The following CTR9 variants were observed in gnomAD, a reference collection of about 807,000 sequenced individuals.
The protein encoded by CTR9 is CTR9 component of Paf1/RNA polymerase II complex.
In CTR9, 41 loss-of-function variants were observed where a neutral mutation model predicts 152.1. That is an observed-to-expected ratio of 0.27 (90% CI 0.21 to 0.35). The LOEUF (loss-of-function observed/expected upper bound fraction) is 0.35, where lower values mean the gene tolerates loss of function less well. Among genes scored for constraint, CTR9 ranks in the 10% least tolerant of loss-of-function variants. The pLI is 1.00. For synonymous variants in CTR9, 476 were observed against 496.2 expected, an observed-to-expected ratio of 0.96 and a Z score of 0.54; for missense variants, 917 against 1,424.4, an observed-to-expected ratio of 0.64 and a Z score of 5.73.
chr11:10,751,462 G>T lies in CTR9; in HGVS notation c.45+5G>T, dbSNP rs758205417. ...CCCCTCCGGGACACTGACGAGGTAA[G>T]TGTCGTGTATGGAGGCGGGTGGGGG... is the stretch of plus-strand genomic sequence containing the variant. On this transcript the variant is annotated splice_donor_5th_base_variant and intron_variant, in intron 1 of 24. Transcript: ENST00000361367. 6.8e-5 allele frequency: 109 copies of T among 1,613,882 alleles called. No individual in the cohort carries two copies. Among genetic ancestry groups the T allele is most frequent in the Non-Finnish European group, 8.9e-5 (105 of 1,179,996 alleles).
Position 10,764,450 on chromosome 11 carries a change from A to G in CTR9, c.1413+14A>G. ...GGGGAGGCTAAGGTAGGAAAATAGA[A>G]ATATTTCCTTCTTTTATACTGAATC... On this transcript the variant is annotated intron_variant, in intron 11 of 24. Coordinates refer to ENST00000361367, the MANE Select transcript of CTR9 (RefSeq NM_014633.5). 1 of 1,600,990 alleles carries G rather than the reference A, an allele frequency of 6.2e-7. No homozygotes were observed. Among genetic ancestry groups the G allele is most frequent in the South Asian group, 1.1e-5 (1 of 89,778 alleles).
In CTR9 at chr11:10,771,525, T is replaced by C. The variant is rs1863143061; in HGVS notation, c.2373-20T>C. The C allele has an allele frequency of 6.7e-7, 1 of 1,496,084 alleles. No homozygotes were observed. The highest frequency in any genetic ancestry group is 9.3e-7 in the Non-Finnish European group (1 of 1,074,756). The allele number at this position is 1,496,084 out of a possible 1,614,324, so 92.7% of individuals were successfully genotyped here. Reference sequence around the variant, plus strand: ...AGAATCTCTTTTTTTAAAAGTGAAGTATTTTCTCGTTTCATTTAGATACTT... The same window carrying C: ...AGAATCTCTTTTTTTAAAAGTGAAGCATTTTCTCGTTTCATTTAGATACTT... On this transcript the variant is annotated intron_variant, in intron 18 of 24. Coordinates refer to ENST00000361367, the MANE Select transcript of CTR9 (RefSeq NM_014633.5).
rs373153408 is a variant in CTR9, at chr11:10,756,666, T to G, written c.503-83T>G. On this transcript the variant is annotated intron_variant, in intron 4 of 24. Transcript: ENST00000361367. ...AAGTATTTCTCACTCAGAGATGTAT[T>G]TAACTTAGATAAGTTAGTGTAAAAC... 107 of 889,536 alleles carry G rather than the reference T, an allele frequency of 1.2e-4. No homozygotes were observed. In the East Asian group the frequency reaches 2.1e-3, roughly 17 times the overall value. 55.1% of individuals were successfully genotyped at this position (889,536 alleles called of 1,614,324 possible). A position where few individuals can be genotyped will look rare whatever the true frequency, so the allele number is the denominator to read the frequency against.
At position 10,761,304 on chromosome 11, in the gene CTR9, G is replaced by A. The variant is rs562656264; in HGVS notation, c.742-643G>A. Among the ~76,000 whole-genome samples the A allele has an allele frequency of 2.3e-4, 35 of 152,234 alleles. 1 individual carries two copies. The South Asian group carries it at 7.3e-3, about 32-fold the overall frequency. On this transcript the variant is annotated intron_variant, in intron 6 of 24. Coordinates refer to ENST00000361367, the MANE Select transcript of CTR9 (RefSeq NM_014633.5). Reference sequence around the variant, plus strand: ...TCATCCCCCGGGCCTGGGGAAGGGGGGAAGGGAACTTTCCTTCCTAAACTC... The same window carrying A: ...TCATCCCCCGGGCCTGGGGAAGGGGAGAAGGGAACTTTCCTTCCTAAACTC...
At chr11:10,763,592 T>C in intron 8 of CTR9, 51 bp from the exon 9 acceptor site, 1 of 1,565,892 alleles carries the variant, frequency 6.4e-7, no homozygotes, top group Non-Finnish European at 8.7e-7. Context: ...GTGTTTTAAG[T>C]CTTTCCAATA....
At chr11:10,751,546 G>GCATC in intron 1 of CTR9, 89 bp downstream of exon 1, 1 of 1,270,124 alleles carries the variant, frequency 7.9e-7, no homozygotes, top group East Asian at 2.4e-5. Flanking sequence ...TGAAGCGAGA[G>GCATC]CATCCTCCTT....
chr11:10,752,293 T>G (rs1292445342), intron 1 of CTR9, among the ~76,000 whole-genome samples: 2 of 152,180 alleles, frequency 1.3e-5, no homozygotes, highest in Non-Finnish European at 2.9e-5. Context: ...TTGCATGGCT[T>G]GTAGGGTCAT....
chr11:10,775,592 T>C lies in CTR9; in HGVS notation c.3054T>C (p.Asp1018=). The C allele has an allele frequency of 6.2e-7, 1 of 1,613,678 alleles. No homozygotes were observed. The highest frequency in any genetic ancestry group is 8.5e-7 in the Non-Finnish European group (1 of 1,179,646). ...IKSKAIISSS[D]DSSDEDKLKI... is the part of the protein sequence containing the mutation. ...CCAAAGCCATAATTTCATCAAGTGA[T>C]GACTCTTCGGATGAGGATAAACTTA... The change falls in exon 24 of 25, where the codon GAT becomes GAC. Residue 1018 remains aspartate, a synonymous_variant. Coordinates refer to ENST00000361367, the MANE Select transcript of CTR9 (RefSeq NM_014633.5).
Position 10,764,161 on chromosome 11 carries a change from G to C in CTR9, c.1244G>C (p.Trp415Ser). The C allele has an allele frequency of 6.2e-7, 1 of 1,614,160 alleles. No homozygotes were observed. Among genetic ancestry groups the C allele is most frequent in the Non-Finnish European group, 8.5e-7 (1 of 1,180,022 alleles). ...TEQYPDDVEAWIELAQILEQT... is the reference protein window; with the variant it reads ...TEQYPDDVEASIELAQILEQT... ...CAGTATCCCGATGATGTTGAAGCTT[G>C]GATTGAATTGGCACAAATCTTAGAA... Residue 415 changes from tryptophan (W) to serine (S), a missense_variant, in exon 10 of 25, where the codon TGG becomes TCG. Trp to Ser is a radical substitution (Grantham distance 177). Around this residue, in one of 9 missense-constraint regions of CTR9, gnomAD observed 133 missense variants for 244.1 expected, o/e 0.54. Coordinates refer to ENST00000361367, the MANE Select transcript of CTR9 (RefSeq NM_014633.5).
intron 16 of CTR9, among the ~76,000 whole-genome samples, chr11:10,769,221 C>T (rs571598846): frequency 3.3e-5 from 5 of 151,004 alleles, no homozygotes; most frequent in South Asian, 2.1e-4. Context: ...GACTCTGTCT[C>T]GGGAAAAAAA....
Position 10,754,948 on chromosome 11 carries a change from T to C in CTR9, c.145-10T>C. Reference sequence around the variant, plus strand: ...CTTTAGTGATTCTAATTTGTTTCATTACCTTATAGCTGGAATACTACAAGC... The same window carrying C: ...CTTTAGTGATTCTAATTTGTTTCATCACCTTATAGCTGGAATACTACAAGC... On this transcript the variant is annotated splice_polypyrimidine_tract_variant and intron_variant, in intron 2 of 24. Transcript: ENST00000361367. 6.2e-7 allele frequency: 1 copy of C among 1,609,884 alleles called. No homozygotes were observed. Among genetic ancestry groups the C allele is most frequent in the Non-Finnish European group, 8.5e-7 (1 of 1,178,406 alleles).
At chr11:10,756,907 G>C in intron 5 of CTR9, 69 bp downstream of exon 5, 3 of 1,009,970 alleles carry the variant, frequency 3.0e-6, no homozygotes, top group South Asian at 2.8e-5. Flanking sequence ...GGATTTGTCA[G>C]TTGCTTATGA....
chr11:10,751,517 CT>C, intron 1 of CTR9, 60 bp downstream of exon 1: 1 of 1,507,440 alleles, frequency 6.6e-7, no homozygotes, highest in Non-Finnish European at 9.2e-7. Flanking sequence ...CCCCCACCGA[CT>C]TCGCTCGACT....
At position 10,775,275 on chromosome 11, in the gene CTR9, G is replaced by C; in HGVS notation, c.2954G>C (p.Arg985Pro). 1.2e-6 allele frequency: 2 copies of C among 1,613,958 alleles called. No homozygotes were observed. The highest frequency in any genetic ancestry group is 1.7e-6 in the Non-Finnish European group (2 of 1,179,932). ...TENGPKPKKR[R>P]PPKAEKKKAP... Reference sequence around the variant, plus strand: ...AATGGCCCCAAACCAAAAAAACGACGTCCACCAAAAGCAGAGAAGAAAAAG... The same window carrying C: ...AATGGCCCCAAACCAAAAAAACGACCTCCACCAAAAGCAGAGAAGAAAAAG... Residue 985 changes from arginine (R) to proline (P), a missense_variant, in exon 23 of 25, where the codon CGT (arginine) becomes CCT (proline). This residue lies in a region of CTR9 where 384 missense variants were observed against 398.4 expected (regional missense o/e 0.96). Coordinates refer to ENST00000361367, the MANE Select transcript of CTR9 (RefSeq NM_014633.5).
intron 24 of CTR9, among the ~76,000 whole-genome samples, chr11:10,776,553 A>G (rs1456491663): frequency 2.0e-5 from 3 of 152,174 alleles, no homozygotes; most frequent in African/African-American, 4.8e-5. Context: ...TATTCATTCA[A>G]CAGACATTTG....
chr11:10,770,394 C>T, intron 17 of CTR9, 68 bp downstream of exon 17: 6 of 1,565,928 alleles, frequency 3.8e-6, no homozygotes, highest in Middle Eastern at 1.7e-4. Flanking sequence ...CTTCGTGATG[C>T]GTGTTCACAT....
chr11:10,774,971 T>C (rs1863207285), intron 22 of CTR9, among the ~76,000 whole-genome samples: 2 of 152,222 alleles, frequency 1.3e-5, no homozygotes, highest in Non-Finnish European at 2.9e-5. Flanking sequence ...TGCAAATTAA[T>C]GAGAGCTCAG....
intron 2 of CTR9, 149 bp downstream of exon 2, chr11:10,752,919 C>A: frequency 3.1e-6 from 2 of 651,472 alleles, no homozygotes; most frequent in Non-Finnish European, 5.3e-6. Context: ...ATTTATGGAA[C>A]AATAAGGCCG....
At chr11:10,773,325 T>A in intron 21 of CTR9, 52 bp downstream of exon 21, 1 of 1,586,376 alleles carries the variant, frequency 6.3e-7, no homozygotes, top group South Asian at 1.2e-5. Flanking sequence ...GTCTTTTGGC[T>A]TTGAGAAATG....
Sources: allele counts gnomAD v4.1 joint callset (sites outside exome capture counted in the v4.1 genomes callset), GRCh38; gene constraint gnomAD v4.1.1; regional missense constraint gnomAD v4.1.1; transcripts MANE v1.5; gene names NCBI Gene and HGNC (gene_info 2026-07-23, HGNC 2026-07-21).